ZC3HC1: variants seen among roughly 807,000 people sequenced by gnomAD.
ZC3HC1 encodes zinc finger C3HC-type containing 1, also known as zinc finger C3HC-type protein 1.
A neutral mutation model predicts 61.9 loss-of-function variants in ZC3HC1; 38 were observed. That is an observed-to-expected ratio of 0.61 (90% CI 0.47 to 0.81). The LOEUF is 0.81. ZC3HC1 is among the 30% of genes least tolerant of loss of function. ZC3HC1 has a pLI of 0.00. For synonymous variants in ZC3HC1, 213 were observed against 229.9 expected, an observed-to-expected ratio of 0.93 and a Z score of 0.67; for missense variants, 554 against 622.7, an observed-to-expected ratio of 0.89 and a Z score of 1.17.
chr7:130,022,989 G>A (rs1793714945), intron 8 of ZC3HC1: 1 of 184,660 alleles, frequency 5.4e-6, no homozygotes, highest in Non-Finnish European at 1.1e-5. Context: ...CTCATGATCT[G>A]TCACTGTTTC....
intron 1 of ZC3HC1, 73 bp downstream of exon 1, chr7:130,051,148 C>T (rs1795058584): frequency 6.5e-7 from 1 of 1,526,794 alleles, no homozygotes; most frequent in Admixed American, 2.3e-5. Flanking sequence ...GGAACCTCCC[C>T]CAACCCGCCA....
In ZC3HC1 at chr7:130,024,479, G is replaced by A. The variant is rs1246100240; in HGVS notation, c.804C>T (p.Ser268=). 1 of 1,613,056 alleles carries A rather than the reference G, an allele frequency of 6.2e-7. No individual in the cohort carries two copies. ...TCATACATTGCGAACATGTTATCAG[G>A]GAGAGCTGCATGGATTCCAAAGAGG... ...CSSSLESMQL[S]LITCSQCMRK... The change falls in exon 7 of 10, where the codon TCC becomes TCT. Residue 268 remains serine, a synonymous_variant. Transcript: ENST00000358303.
intron 1 of ZC3HC1, 65 bp from the exon 2 acceptor site, chr7:130,049,209 G>T: frequency 1.7e-6 from 2 of 1,189,714 alleles, no homozygotes. Flanking sequence ...ATGTTATCTA[G>T]CTTCTCTACA....
rs190955120 is a variant in ZC3HC1, at chr7:130,034,595, A to C, written c.493+4869T>G. 4.6e-5 allele frequency among the ~76,000 whole-genome samples: 7 copies of C among 151,394 alleles called. No homozygotes were observed. In the East Asian group the frequency reaches 7.8e-4, roughly 17 times the overall value. Reference sequence around the variant, plus strand: ...CTATAACTTGGAATTCCTGGGTTAAAGGGATCCTCCTGCTTCAACCTCACG... The same window carrying C: ...CTATAACTTGGAATTCCTGGGTTAACGGGATCCTCCTGCTTCAACCTCACG... On this transcript the variant is annotated intron_variant, in intron 4 of 9. Coordinates refer to ENST00000358303, the MANE Select transcript of ZC3HC1 (RefSeq NM_016478.5).
chr7:130,033,133 C>T (rs569932577), intron 4 of ZC3HC1, among the ~76,000 whole-genome samples: 5 of 152,094 alleles, frequency 3.3e-5, no homozygotes, highest in South Asian at 4.1e-4. Flanking sequence ...CCCAAGCTTA[C>T]GCGATCTTGC....
chr7:130,039,241 G>A, intron 4 of ZC3HC1: 1 of 528,090 alleles, frequency 1.9e-6, no homozygotes, highest in Non-Finnish European at 3.4e-6. Flanking sequence ...CAACTCTGGA[G>A]GCTGAGGCAG....
At position 130,039,427 on chromosome 7, in the gene ZC3HC1, G is replaced by A; in HGVS notation, c.493+37C>T. On this transcript the variant is annotated intron_variant, in intron 4 of 9. Coordinates refer to ENST00000358303, the MANE Select transcript of ZC3HC1 (RefSeq NM_016478.5). ...ACAATATTAGAAATGCAATGATGAA[G>A]GAAAAATGGTGAACAGGAATTCTCA... 4.6e-6 allele frequency: 7 copies of A among 1,533,382 alleles called. No individual in the cohort carries two copies. The Middle Eastern group carries it at 8.5e-4, about 187-fold the overall frequency. The allele number at this position is 1,533,382 out of a possible 1,614,324, so 95.0% of individuals were successfully genotyped here. A position where few individuals can be genotyped will look rare whatever the true frequency, so the allele number is the denominator to read the frequency against.
intron 2 of ZC3HC1, among the ~76,000 whole-genome samples, chr7:130,042,687 T>A (rs866037894): frequency 1.3e-5 from 2 of 152,166 alleles, no homozygotes; most frequent in South Asian, 4.1e-4. Context: ...TTTGTTTGTT[T>A]TGTTTTGTTT....
chr7:130,033,514 A>G (rs542158943), intron 4 of ZC3HC1, among the ~76,000 whole-genome samples: 46 of 134,936 alleles, frequency 3.4e-4, no homozygotes, highest in African/African-American at 1.2e-3. Flanking sequence ...GTGCAGTGAC[A>G]CGATCCCGGC....
chr7:130,029,505 C>A (rs1465119712), intron 4 of ZC3HC1, among the ~76,000 whole-genome samples: 1 of 152,098 alleles, frequency 6.6e-6, no homozygotes, highest in Non-Finnish European at 1.5e-5. Context: ...TGTAATGATA[C>A]TACTGAGACC....
intron 4 of ZC3HC1, 78 bp from the exon 5 acceptor site, chr7:130,029,107 A>G: frequency 1.4e-6 from 2 of 1,469,148 alleles, no homozygotes; most frequent in South Asian, 1.3e-5. Flanking sequence ...ATGGTGGCTC[A>G]TACCTGTAAT....
At chr7:130,043,483 A>G (rs1352139830) in intron 2 of ZC3HC1, 2 of 157,276 alleles carry the variant, frequency 1.3e-5, no homozygotes, top group Admixed American at 1.2e-4. Flanking sequence ...ATTATCTAGA[A>G]TAAAAGTAAT....
At chr7:130,029,329 C>T (rs375242993) in intron 4 of ZC3HC1, among the ~76,000 whole-genome samples, 2 of 151,928 alleles carry the variant, frequency 1.3e-5, no homozygotes, top group African/African-American at 4.8e-5. Context: ...AGGCTGAGAT[C>T]GTGCCACTGT....
At chr7:130,042,717 C>G (rs1002391957) in intron 2 of ZC3HC1, among the ~76,000 whole-genome samples, 2 of 152,174 alleles carry the variant, frequency 1.3e-5, no homozygotes, top group Non-Finnish European at 2.9e-5. Context: ...GAGTCTTGCT[C>G]TGTTGCCCAG....
intron 1 of ZC3HC1, 141 bp downstream of exon 1, chr7:130,051,080 C>G (rs1795056156): frequency 1.7e-6 from 2 of 1,169,834 alleles, no homozygotes. Flanking sequence ...AACATAGTAA[C>G]CAGAGTTTCT....
chr7:130,022,067 G>T (rs1793667576), intron 9 of ZC3HC1, among the ~76,000 whole-genome samples: 1 of 152,252 alleles, frequency 6.6e-6, no homozygotes, highest in East Asian at 1.9e-4. Context: ...AGCTACTTGG[G>T]AAGCTAAGGC....
At chr7:130,049,861 CTT>C (rs976242786) in intron 1 of ZC3HC1, among the ~76,000 whole-genome samples, 2 of 150,680 alleles carry the variant, frequency 1.3e-5, no homozygotes, top group Non-Finnish European at 3.0e-5. Flanking sequence ...AAATTCGACT[CTT>C]AACAGCAGAA....
chr7:130,050,125 T>A (rs1047106672), intron 1 of ZC3HC1, among the ~76,000 whole-genome samples: 15 of 152,080 alleles, frequency 9.9e-5, no homozygotes, highest in Non-Finnish European at 2.1e-4. Flanking sequence ...TCACTCAGGC[T>A]GGAGTGCAGT....
chr7:130,024,997 C>T (rs1793834424), intron 6 of ZC3HC1, among the ~76,000 whole-genome samples: 1 of 148,248 alleles, frequency 6.7e-6, no homozygotes, highest in Non-Finnish European at 1.5e-5. Context: ...CCTCCGCCTC[C>T]CAGGTTCAAG....
Sources: gnomAD v4.1 joint callset for allele counts (sites outside exome capture counted in the v4.1 genomes callset) on GRCh38, gnomAD v4.1.1 for gene constraint, MANE v1.5 for transcripts, NCBI Gene and HGNC (gene_info 2026-07-23, HGNC 2026-07-21) for gene names.